The following DNAH9 variants were observed in gnomAD, a reference collection of about 807,000 sequenced individuals.
DNAH9 encodes the protein DNAH9 variant protein.
Under a neutral mutation model 471.6 loss-of-function variants are expected in DNAH9, and 345 were observed. That is an observed-to-expected ratio of 0.73 (90% CI 0.67 to 0.80). The LOEUF (loss-of-function observed/expected upper bound fraction) is 0.80. Ranked by LOEUF, DNAH9 falls within the 30% of genes least tolerant of loss-of-function variation. DNAH9 has a pLI of 0.00. For synonymous variants in DNAH9, 2,093 were observed against 2,123.6 expected (o/e 0.99, Z 0.40); for missense variants, 5,407 against 5,609.2 (o/e 0.96, Z 1.15).
chr17:11,929,986 G>A lies in DNAH9; in HGVS notation c.11998G>A (p.Gly4000Ser), dbSNP rs1166247646. 8.7e-6 allele frequency: 14 copies of A among 1,613,898 alleles called. No homozygotes were observed. In the Admixed American group the frequency reaches 2.3e-4, roughly 27 times the overall value. Residue 4000 changes from glycine to serine, a missense_variant, in exon 63 of 69, where the codon GGC becomes AGC. Around this residue, in one of 3 missense-constraint regions of DNAH9, gnomAD observed 4,636 missense variants for 4,900.3 expected, o/e 0.95. Transcript: ENST00000262442. ...MSAEPAPSPE[G>S]HIIPQGILEN... ...TGCAGAGCCAGCACCCTCCCCTGAG[G>A]GCCACATCATCCCCCAGGGCATCCT...
intron 21 of DNAH9, 73 bp downstream of exon 21, chr17:11,694,071 G>C: frequency 6.4e-7 from 1 of 1,552,400 alleles, no homozygotes; most frequent in Non-Finnish European, 8.8e-7. Flanking sequence ...TCTGAGACCA[G>C]TGGGCAGAAG....
intron 27 of DNAH9, among the ~76,000 whole-genome samples, chr17:11,720,200 T>C (rs1049735489): frequency 1.3e-5 from 2 of 152,126 alleles, no homozygotes; most frequent in African/African-American, 4.8e-5. Flanking sequence ...ATATAGCTTC[T>C]TTTTTTCTTT....
At chr17:11,738,798 G>A in intron 28 of DNAH9, 82 bp from the exon 29 acceptor site, 2 of 1,238,376 alleles carry the variant, frequency 1.6e-6, no homozygotes, top group Non-Finnish European at 2.3e-6. Flanking sequence ...TGCTGTGTGT[G>A]ACTACAGGGT....
rs147910551 is a variant in DNAH9 at position 11,766,690 on chromosome 17, T to C, written c.7171-1763T>C. Among the ~76,000 whole-genome samples the C allele has an allele frequency of 1.5e-3, 225 of 152,174 alleles. 2 individuals are homozygous for C. The East Asian group carries it at 0.029, about 19-fold the overall frequency. On this transcript the variant is annotated intron_variant, in intron 36 of 68. Transcript: ENST00000262442. ...ATTAAGAAAGGATCATTGGGCTGGGTGCGGTGGCTCACGCCTGTAATCCCA... is the reference window on the plus strand; with the variant it reads ...ATTAAGAAAGGATCATTGGGCTGGGCGCGGTGGCTCACGCCTGTAATCCCA...
At chr17:11,645,658 C>T (rs1369433429) in intron 11 of DNAH9, among the ~76,000 whole-genome samples, 1 of 152,100 alleles carries the variant, frequency 6.6e-6, no homozygotes, top group African/African-American at 2.4e-5. Context: ...GTTTCAAGCA[C>T]ACAGTTTCAA....
intron 42 of DNAH9, among the ~76,000 whole-genome samples, chr17:11,795,895 T>G (rs963762486): frequency 6.6e-6 from 1 of 152,180 alleles, no homozygotes; most frequent in African/African-American, 2.4e-5. Flanking sequence ...GAAGCACCCT[T>G]GGTCACACCA....
intron 55 of DNAH9, among the ~76,000 whole-genome samples, chr17:11,882,079 C>T (rs1430149144): frequency 2.0e-5 from 3 of 152,212 alleles, no homozygotes; most frequent in Admixed American, 2.0e-4. Context: ...AGGGTCATGT[C>T]TTAGCTTGGG....
intron 50 of DNAH9, among the ~76,000 whole-genome samples, chr17:11,862,518 C>T: frequency 7.0e-6 from 1 of 143,514 alleles, no homozygotes; most frequent in African/African-American, 2.6e-5. Flanking sequence ...TTTTTGGTTC[C>T]ATATGAACTT....
At chr17:11,764,925 A>C (rs868580079) in intron 36 of DNAH9, among the ~76,000 whole-genome samples, 2 of 152,206 alleles carry the variant, frequency 1.3e-5, no homozygotes, top group Non-Finnish European at 2.9e-5. Context: ...CTTTTTGTAT[A>C]TCAGTCATAC....
rs2075443706 is a variant in DNAH9, at chr17:11,742,256, A to G, written c.6054A>G (p.Ser2018=). 1.2e-6 allele frequency: 2 copies of G among 1,614,074 alleles called. No individual in the cohort carries two copies. Among genetic ancestry groups the G allele is most frequent in the Admixed American group, 3.3e-5 (2 of 60,008 alleles). ...LVAEGFIEAQ[S]LARKFITLYQ... ...CAGAAGGATTCATTGAAGCCCAGTCATTAGCCAGAAAGTTCATCACTCTTT... is the reference window on the plus strand; with the variant it reads ...CAGAAGGATTCATTGAAGCCCAGTCGTTAGCCAGAAAGTTCATCACTCTTT... The change falls in exon 30 of 69, where the codon TCA becomes TCG. Residue 2018 remains serine (S), a synonymous_variant. Transcript: ENST00000262442.
At chr17:11,600,176 G>C (rs1475314954) in intron 1 of DNAH9, among the ~76,000 whole-genome samples, 1 of 152,156 alleles carries the variant, frequency 6.6e-6, no homozygotes, top group Non-Finnish European at 1.5e-5. Context: ...ACTGTGCATT[G>C]TCTGAAAGCC....
chr17:11,945,077 T>C (rs1387364744), intron 67 of DNAH9, among the ~76,000 whole-genome samples: 1 of 152,108 alleles, frequency 6.6e-6, no homozygotes, highest in Non-Finnish European at 1.5e-5. Context: ...GCGGAGGGCC[T>C]AAGTGGGGCA....
intron 15 of DNAH9, among the ~76,000 whole-genome samples, chr17:11,666,554 G>A (rs1289636567): frequency 6.6e-6 from 1 of 152,152 alleles, no homozygotes; most frequent in East Asian, 1.9e-4. Context: ...GGTGGGAGCT[G>A]AATTTATCAG....
In DNAH9 at chr17:11,834,788, G is replaced by A. The variant is rs774091466; in HGVS notation, c.9397G>A (p.Ala3133Thr). ...AMADEEEQKV[A>T]VIMLEVKQKQ... ...GGCAGATGAAGAGGAGCAGAAGGTGGCCGTCATCATGCTAGAGGTGAAACA... is the reference window on the plus strand; with the variant it reads ...GGCAGATGAAGAGGAGCAGAAGGTGACCGTCATCATGCTAGAGGTGAAACA... The change falls in exon 49 of 69, where the codon GCC (alanine) becomes ACC (threonine). Residue 3133 changes from alanine to threonine, a missense_variant. Around this residue, in one of 3 missense-constraint regions of DNAH9, gnomAD observed 4,636 missense variants for 4,900.3 expected, o/e 0.95. Coordinates refer to ENST00000262442, the MANE Select transcript of DNAH9 (RefSeq NM_001372.4). 2.5e-6 allele frequency: 4 copies of A among 1,614,086 alleles called. No homozygotes were observed. Among genetic ancestry groups the A allele is most frequent in the Non-Finnish European group, 3.4e-6 (4 of 1,180,020 alleles).
chr17:11,783,831 CT>C, intron 40 of DNAH9, 83 bp downstream of exon 40: 5 of 1,165,222 alleles, frequency 4.3e-6, no homozygotes, highest in Non-Finnish European at 6.2e-6. Flanking sequence ...AATAATTGGC[CT>C]TTTTCCCCAT....
At chr17:11,877,789 T>C (rs1005202693) in intron 53 of DNAH9, among the ~76,000 whole-genome samples, 3 of 152,134 alleles carry the variant, frequency 2.0e-5, no homozygotes, top group African/African-American at 4.8e-5. Flanking sequence ...TAGATAGATA[T>C]AGTGGCGCTA....
chr17:11,734,643 G>T (rs1222332228), intron 28 of DNAH9, among the ~76,000 whole-genome samples: 2 of 152,204 alleles, frequency 1.3e-5, no homozygotes, highest in African/African-American at 2.4e-5. Flanking sequence ...TCTGAGAGAG[G>T]GAGAGAGGGG....
chr17:11,767,260 A>G (rs1342641774), intron 36 of DNAH9, among the ~76,000 whole-genome samples: 3 of 152,188 alleles, frequency 2.0e-5, no homozygotes, highest in Non-Finnish European at 4.4e-5. Context: ...TTTCGTAGAA[A>G]GTTGAAGGTC....
chr17:11,779,160 A>C (rs1042731807), intron 38 of DNAH9, among the ~76,000 whole-genome samples: 26 of 152,114 alleles, frequency 1.7e-4, no homozygotes, highest in Non-Finnish European at 1.5e-5. Flanking sequence ...CTTGAGGAGA[A>C]ATTCAGCCAG....
Sources: gnomAD v4.1 joint callset for allele counts (sites outside exome capture counted in the v4.1 genomes callset) on GRCh38, gnomAD v4.1.1 for gene constraint, gnomAD v4.1.1 regional missense constraint, MANE v1.5 for transcripts, NCBI Gene and HGNC (gene_info 2026-07-23, HGNC 2026-07-21) for gene names.